Variants in CTBP2 observed in about 807,000 individuals in gnomAD.
The protein encoded by CTBP2 is C-terminal binding protein 2, also known as C-terminal-binding protein 2.
In CTBP2, 30 loss-of-function variants were observed where a neutral mutation model predicts 80.3. That is an observed-to-expected ratio of 0.37 (90% CI 0.28 to 0.51). The LOEUF (loss-of-function observed/expected upper bound fraction) is 0.51. CTBP2 is among the 20% of genes least tolerant of loss of function. The pLI, the probability that CTBP2 is intolerant of heterozygous loss-of-function variation, is 0.93. For missense variants in CTBP2, 1,212 were observed against 1,375.3 expected, an observed-to-expected ratio of 0.88 and a Z score of 1.88; for synonymous variants, 594 against 587.4, an observed-to-expected ratio of 1.01 and a Z score of -0.16.
At chr10:125,021,449 G>A (rs1001680356) in intron 1 of CTBP2, among the ~76,000 whole-genome samples, 2 of 152,196 alleles carry the variant, frequency 1.3e-5, no homozygotes, top group African/African-American at 4.8e-5. Flanking sequence ...ACGTCCAGGA[G>A]CCTGAAAGGG....
chr10:124,988,557 A>C lies in CTBP2; in HGVS notation c.*961T>G, dbSNP rs1024285619. The C allele has an allele frequency of 2.0e-5, 3 of 152,678 alleles. No homozygotes were observed. The highest frequency in any genetic ancestry group is 7.2e-5 in the African/African-American group (3 of 41,468). 9.5% of individuals were successfully genotyped at this position (152,678 alleles called of 1,614,324 possible). ...CATCTTTTTAAACAAAAAGGCAATG[A>C]TTCACAAAAGACTATGAATAGAACA... On this transcript the variant is annotated 3_prime_UTR_variant, in exon 9 of 9. Transcript: ENST00000309035.
At chr10:125,139,243 C>T (rs1857413422) in intron 1 of CTBP2, among the ~76,000 whole-genome samples, 1 of 151,852 alleles carries the variant, frequency 6.6e-6, no homozygotes, top group Non-Finnish European at 1.5e-5. Context: ...TGGTGGCGCA[C>T]ACCCGTAATC....
chr10:124,985,043 T>C lies in CTBP2; in HGVS notation c.*4475A>G, dbSNP rs746501110. On this transcript the variant is annotated 3_prime_UTR_variant, in exon 9 of 9. Transcript: ENST00000309035. ...CAAGGCATCAGATCTGTAATGACCC[T>C]AAAGTTAGTGTGGTGCTCCAAGCAG... The C allele has an allele frequency of 5.7e-6, 8 of 1,411,658 alleles. No individual in the cohort carries two copies. Among genetic ancestry groups the C allele is most frequent in the Middle Eastern group, 1.8e-4 (1 of 5,692 alleles). The allele number at this position is 1,411,658 out of a possible 1,614,324, so 87.4% of individuals were successfully genotyped here. A position where few individuals can be genotyped will look rare whatever the true frequency, so the allele number is the denominator to read the frequency against.
chr10:125,003,742 G>A (rs7096947), intron 1 of CTBP2, among the ~76,000 whole-genome samples: 2,632 of 152,280 alleles, frequency 0.017, 74 homozygotes, highest in African/African-American at 0.059. Flanking sequence ...CCATAGTCCC[G>A]AGAGCCTCAG....
intron 2 of CTBP2, among the ~76,000 whole-genome samples, chr10:125,096,473 G>T (rs1849560872): frequency 6.6e-6 from 1 of 152,150 alleles, no homozygotes; most frequent in Admixed American, 6.5e-5. Flanking sequence ...GCTCAGAAGT[G>T]GGACAACATC....
intron 1 of CTBP2, among the ~76,000 whole-genome samples, chr10:125,118,054 G>C (rs1040400075): frequency 4.6e-5 from 7 of 152,218 alleles, no homozygotes; most frequent in Non-Finnish European, 1.0e-4. Context: ...CAAGATTTTA[G>C]AACTCGTCTT....
At position 124,993,148 on chromosome 10, in the gene CTBP2, T is replaced by C. The variant is rs561682872; in HGVS notation, c.2659+54A>G. The C allele has an allele frequency of 1.9e-6, 3 of 1,565,712 alleles. No individual in the cohort carries two copies. In the East Asian group the frequency reaches 6.8e-5, roughly 36 times the overall value. On this transcript the variant is annotated intron_variant, in intron 7 of 8. Transcript: ENST00000309035. ...TGTAGCCAGCAGGACAGGAGCCGGC[T>C]GCACTGTGGAGCTGAGGCTGCCCTT...
intron 2 of CTBP2, 47 bp downstream of exon 4, chr10:125,003,291 A>G: frequency 6.3e-7 from 1 of 1,593,870 alleles, no homozygotes; most frequent in Non-Finnish European, 8.5e-7. Flanking sequence ...CTGGGGAGGA[A>G]ACTGCCCAAG....
At chr10:125,116,991 G>C (rs1422650636) in intron 1 of CTBP2, among the ~76,000 whole-genome samples, 1 of 152,164 alleles carries the variant, frequency 6.6e-6, no homozygotes, top group Non-Finnish European at 1.5e-5. Flanking sequence ...GAAGGACCAG[G>C]GACAGGCACT....
intron 2 of CTBP2, among the ~76,000 whole-genome samples, chr10:125,083,012 A>T (rs1308372905): frequency 6.6e-6 from 1 of 152,136 alleles, no homozygotes; most frequent in East Asian, 1.9e-4. Flanking sequence ...AGCAAGATTT[A>T]AGTGCCCTCT....
intron 2 of CTBP2, among the ~76,000 whole-genome samples, chr10:125,067,679 C>T (rs535788765): frequency 1.2e-4 from 18 of 152,310 alleles, no homozygotes; most frequent in African/African-American, 3.4e-4. Context: ...ATTAATGGCA[C>T]GCATAACCCT....
chr10:125,154,257 C>T (rs12355882), intron 1 of CTBP2, among the ~76,000 whole-genome samples: 3 of 151,994 alleles, frequency 2.0e-5, no homozygotes, highest in African/African-American at 7.3e-5. Flanking sequence ...CCCTCTCCCC[C>T]CTCACCCCTG....
chr10:125,049,047 AC>A (rs1962022695), intron 2 of CTBP2, among the ~76,000 whole-genome samples: 1 of 13,762 alleles, frequency 7.3e-5, no homozygotes, highest in South Asian at 3.7e-3. Flanking sequence ...CTGACCACAG[AC>A]ACACACACAC....
intron 1 of CTBP2, among the ~76,000 whole-genome samples, chr10:125,141,178 A>C (rs1253068736): frequency 6.6e-6 from 1 of 151,906 alleles, no homozygotes; most frequent in African/African-American, 2.4e-5. Flanking sequence ...AAAAACAAAA[A>C]CCATGAGGCA....
rs569084280 is a variant in CTBP2 at position 125,015,641 on chromosome 10, C to A, written c.1678+10441G>T. Among the ~76,000 whole-genome samples, 21 of 152,348 alleles carry A rather than the reference C, an allele frequency of 1.4e-4. No homozygotes were observed. The South Asian group carries it at 4.1e-3, about 30-fold the overall frequency. On this transcript the variant is annotated intron_variant, in intron 1 of 8. Transcript: ENST00000309035. ...GGAGGGATGGGCTGGCCTCAGTGCT[C>A]CCCGAAGCACTTCCAAGAAGGCGCC...
chr10:125,054,043 C>A (rs908009998), intron 2 of CTBP2, among the ~76,000 whole-genome samples: 3 of 152,078 alleles, frequency 2.0e-5, no homozygotes, highest in African/African-American at 2.4e-5. Flanking sequence ...CAGTAGAGGG[C>A]CATGAATTGA....
upstream of CTBP2, chr10:125,028,159 G>A (rs1307698460): frequency 5.9e-6 from 1 of 170,350 alleles, no homozygotes; most frequent in Non-Finnish European, 1.3e-5. Flanking sequence ...TTAGACTGAT[G>A]AAGCCGGTGG....
chr10:125,119,916 A>G (rs1464161347), intron 1 of CTBP2, among the ~76,000 whole-genome samples: 2 of 152,230 alleles, frequency 1.3e-5, no homozygotes, highest in South Asian at 2.1e-4. Flanking sequence ...CCACACCAAC[A>G]TTGTAAAGTG....
At chr10:125,159,334 G>A (rs1218250593) in intron 1 of CTBP2, among the ~76,000 whole-genome samples, 2 of 148,346 alleles carry the variant, frequency 1.3e-5, no homozygotes, top group Non-Finnish European at 3.0e-5. Flanking sequence ...GGGCGGGCCG[G>A]GCTCCCGGCG....
Sources: allele counts gnomAD v4.1 joint callset (sites outside exome capture counted in the v4.1 genomes callset), GRCh38; gene constraint gnomAD v4.1.1; transcripts MANE v1.5; gene names NCBI Gene and HGNC (gene_info 2026-07-23, HGNC 2026-07-21).